The following FYB1 variants were observed in gnomAD, a reference collection of about 807,000 sequenced individuals.
FYB1 encodes the protein FYN-binding protein 1.
Under a neutral mutation model 94.1 loss-of-function variants are expected in FYB1, and 41 were observed. The ratio of observed to expected loss-of-function variants is 0.44; its 90% CI spans 0.34 to 0.57. FYB1 has a LOEUF of 0.57. FYB1 is among the 20% of genes least tolerant of loss of function. The pLI is 0.02. For missense variants in FYB1, 1,050 were observed against 976.8 expected (o/e 1.07, Z -1.00); for synonymous variants, 367 against 353.2 (o/e 1.04, Z -0.44).
At chr5:39,130,553 A>C in intron 10 of FYB1, 37 bp downstream of exon 10, 2 of 1,520,672 alleles carry the variant, frequency 1.3e-6, no homozygotes, top group Non-Finnish European at 1.8e-6. Flanking sequence ...TATATGTATC[A>C]ATTGTAAAAT....
intron 12 of FYB1, 133 bp downstream of exon 12, chr5:39,125,865 A>T (rs1740614760): frequency 1.1e-6 from 1 of 882,202 alleles, no homozygotes. Flanking sequence ...GGCTAAGATG[A>T]TTAACGGAAA....
chr5:39,116,068 T>A (rs566933754), intron 16 of FYB1, among the ~76,000 whole-genome samples: 1 of 152,316 alleles, frequency 6.6e-6, no homozygotes, highest in East Asian at 1.9e-4. Flanking sequence ...TCCCACTGGA[T>A]GGGATAACAC....
rs140246250 is a variant in FYB1 at position 39,118,292 on chromosome 5, T to C, written c.2401+582A>G. Among the ~76,000 whole-genome samples the C allele has an allele frequency of 3.7e-4, 57 of 152,292 alleles. 1 individual carries two copies. The East Asian group carries it at 9.3e-3, about 25-fold the overall frequency. ...GGAATAGTATGTTGCACTAAGTGTG[T>C]TCAAATAGGAAATGAAAACAAGTGA... is the stretch of plus-strand genomic sequence containing the variant. On this transcript the variant is annotated intron_variant, in intron 16 of 18. Coordinates refer to ENST00000512982, the MANE Select transcript of FYB1 (RefSeq NM_001465.6).
chr5:39,154,681 A>G lies in FYB1; in HGVS notation c.1136-1077T>C, dbSNP rs1035178324. 5.3e-5 allele frequency among the ~76,000 whole-genome samples: 8 copies of G among 151,772 alleles called. 1 individual carries two copies. The highest frequency in any genetic ancestry group is 7.4e-5 in the Non-Finnish European group (5 of 67,918). On this transcript the variant is annotated intron_variant, in intron 2 of 18. Transcript: ENST00000512982. ...GCCACCATGCCCAGCTAATTTTTAT[A>G]TTTTTATTGGAGACGGGGTTTCTCT...
At position 39,210,598 on chromosome 5, in the gene FYB1, T is replaced by C. The variant is rs118079967; in HGVS notation, c.-27-7611A>G. 2.5e-3 allele frequency among the ~76,000 whole-genome samples: 386 copies of C among 152,360 alleles called. 14 individuals are homozygous for C. In the East Asian group the frequency reaches 0.065, roughly 26 times the overall value. ...AGGAGCGGGACAATCATCATCATTC[T>C]ACAAATTCGAACCTTCAATGTTCTT... On this transcript the variant is annotated intron_variant, in intron 1 of 18. Transcript: ENST00000512982.
At chr5:39,185,544 T>C (rs1043059691) in intron 2 of FYB1, among the ~76,000 whole-genome samples, 20 of 139,664 alleles carry the variant, frequency 1.4e-4, no homozygotes, top group Non-Finnish European at 2.8e-4. Flanking sequence ...ATATATATGA[T>C]ATATATGATA....
chr5:39,223,759 C>A (rs1362544396), upstream of FYB1, among the ~76,000 whole-genome samples: 1 of 152,106 alleles, frequency 6.6e-6, no homozygotes, highest in Non-Finnish European at 1.5e-5. Context: ...GGAGATAAAA[C>A]CCTAGGTAAG....
At chr5:39,251,313 C>T (rs979463461) in intron 1 of FYB1, among the ~76,000 whole-genome samples, 2 of 152,124 alleles carry the variant, frequency 1.3e-5, no homozygotes, top group African/African-American at 4.8e-5. Context: ...CTATAGACCA[C>T]ACTAGGGGAA....
intron 5 of FYB1, 23 bp downstream of exon 5, chr5:39,139,210 A>T (rs1282214639): frequency 6.9e-7 from 1 of 1,458,840 alleles, no homozygotes; most frequent in Non-Finnish European, 9.3e-7. Context: ...TCAATATAAT[A>T]TGAGAAGAGA....
chr5:39,268,145 G>C (rs754871825), intron 1 of FYB1, among the ~76,000 whole-genome samples: 1 of 151,922 alleles, frequency 6.6e-6, no homozygotes, highest in Non-Finnish European at 1.5e-5. Flanking sequence ...TGACATTCTC[G>C]AAGGATCTGT....
In FYB1 at chr5:39,255,430, G is replaced by GTT. The variant is rs113241046; in HGVS notation, c.-28+18971_-28+18972dup. ...CATCTCTCCATTTATCCATTCACCT[G>GTT]TTTTTTTTTTTTTGGATGAGTTTCA... is the stretch of plus-strand genomic sequence containing the variant. On this transcript the variant is annotated intron_variant, in intron 1 of 1. Coordinates refer to the FYB1 transcript ENST00000510188. Among the ~76,000 whole-genome samples the GTT allele has an allele frequency of 3.7e-3, 531 of 142,896 alleles. 4 individuals are homozygous for GTT. The highest frequency in any genetic ancestry group is 0.01 in the African/African-American group (388 of 38,578). 93.7% of individuals were successfully genotyped at this position (142,896 alleles called of 152,430 possible).
chr5:39,142,837 C>T (rs1742307783), intron 3 of FYB1, among the ~76,000 whole-genome samples: 1 of 152,214 alleles, frequency 6.6e-6, no homozygotes, highest in South Asian at 2.1e-4. Flanking sequence ...CTGCATCTCA[C>T]TTGATTGCTT....
At position 39,243,814 on chromosome 5, in the gene FYB1, C is replaced by T. The variant is rs915963441; in HGVS notation, c.-28+30589G>A. ...CATTTGTTTGTGTCCTCTTTTATTT[C>T]GTTGAGCAGTGGTTTGTAGTTCTCC... On this transcript the variant is annotated intron_variant, in intron 1 of 1. Transcript: ENST00000510188. Among the ~76,000 whole-genome samples the T allele has an allele frequency of 5.4e-4, 82 of 152,240 alleles. 1 individual carries two copies. The highest frequency in any genetic ancestry group is 1.9e-3 in the African/African-American group (80 of 41,536).
At chr5:39,165,243 G>A (rs114956470) in intron 2 of FYB1, among the ~76,000 whole-genome samples, 1,811 of 152,132 alleles carry the variant, frequency 0.012, 43 homozygotes, top group African/African-American at 0.042. Flanking sequence ...CAAATTATAC[G>A]ACAAGGCTAT....
intron 2 of FYB1, among the ~76,000 whole-genome samples, chr5:39,155,871 T>A (rs895288306): frequency 2.0e-5 from 3 of 152,130 alleles, no homozygotes; most frequent in Admixed American, 2.0e-4. Context: ...TCTTTTATCA[T>A]AGAATAAACA....
chr5:39,124,377 C>A, intron 12 of FYB1, 99 bp from the exon 13 acceptor site: 1 of 652,840 alleles, frequency 1.5e-6, no homozygotes, highest in Non-Finnish European at 2.5e-6. Flanking sequence ...AGCCTAGAGG[C>A]ATATTGGGTT....
intron 1 of FYB1, among the ~76,000 whole-genome samples, chr5:39,228,129 A>G (rs1750563090): frequency 6.6e-6 from 1 of 152,158 alleles, no homozygotes; most frequent in African/African-American, 2.4e-5. Flanking sequence ...TCCACCTTCT[A>G]GGATCTGGGG....
intron 2 of FYB1, among the ~76,000 whole-genome samples, chr5:39,176,137 G>GTTTTTTTT (rs70982547): frequency 3.2e-5 from 2 of 61,664 alleles, no homozygotes; most frequent in African/African-American, 5.7e-5. Flanking sequence ...TTTTTTTTCT[G>GTTTTTTTT]TTTTTTTTTT....
At chr5:39,251,290 T>C (rs1028554984) in intron 1 of FYB1, among the ~76,000 whole-genome samples, 6 of 152,204 alleles carry the variant, frequency 3.9e-5, no homozygotes, top group African/African-American at 1.2e-4. Flanking sequence ...CTTTATAAGT[T>C]AATATAAATA....
Sources: allele counts gnomAD v4.1 joint callset (sites outside exome capture counted in the v4.1 genomes callset), GRCh38; gene constraint gnomAD v4.1.1; transcripts MANE v1.5; gene names NCBI Gene and HGNC (gene_info 2026-07-23, HGNC 2026-07-21).